CWC22: variants seen among roughly 807,000 people sequenced by gnomAD.
The protein encoded by CWC22 is pre-mRNA-splicing factor CWC22 homolog.
Under a neutral mutation model 117.2 loss-of-function variants are expected in CWC22, and 53 were observed. That is an observed-to-expected ratio of 0.45 (90% CI 0.36 to 0.57). The LOEUF is 0.57. Ranked by LOEUF, CWC22 falls within the 20% of genes least tolerant of loss-of-function variation. The pLI is 0.00. For synonymous variants in CWC22, 360 were observed against 355.6 expected (o/e 1.01, Z -0.14); for missense variants, 980 against 1,068.8 (o/e 0.92, Z 1.16).
chr2:179,950,523 C>A lies in CWC22; in HGVS notation c.2129G>T (p.Ser710Ile), dbSNP rs1438904915. Reference sequence around the variant, plus strand: ...ATAAGCTTCAATACCTGAGGCAGAGCTATGACTACTGATGGATGAAGAGTC... The same window carrying A: ...ATAAGCTTCAATACCTGAGGCAGAGATATGACTACTGATGGATGAAGAGTC... ...ESDSSSISSH[S>I]SASANDVRKK... The change falls in exon 19 of 20, where the codon AGC (serine) becomes ATC (isoleucine). Residue 710 changes from serine (S) to isoleucine (I), a missense_variant. By Grantham distance (142) the Ser-to-Ile change is moderately radical. Around this residue, in one of 3 missense-constraint regions of CWC22, gnomAD observed 306 missense variants for 296.8 expected, o/e 1.03. Transcript: ENST00000410053. The A allele has an allele frequency of 6.2e-7, 1 of 1,607,048 alleles. No individual in the cohort carries two copies.
At chr2:179,990,644 T>A (rs187975293) in intron 2 of CWC22, among the ~76,000 whole-genome samples, 3 of 152,212 alleles carry the variant, frequency 2.0e-5, no homozygotes, top group African/African-American at 7.2e-5. Flanking sequence ...CTGCATTATC[T>A]CCTTTTTCTT....
chr2:179,960,226 C>T (rs1686713569), intron 13 of CWC22, among the ~76,000 whole-genome samples: 1 of 151,902 alleles, frequency 6.6e-6, no homozygotes, highest in Admixed American at 6.6e-5. Flanking sequence ...ACTTGATAAT[C>T]CCATATTACA....
intron 1 of CWC22, among the ~76,000 whole-genome samples, chr2:180,004,372 G>A (rs1198158411): frequency 6.6e-6 from 1 of 152,114 alleles, no homozygotes; most frequent in Non-Finnish European, 1.5e-5. Context: ...GGGAAGGAGA[G>A]TTAACTTCTT....
intron 9 of CWC22, 28 bp downstream of exon 9, chr2:179,970,911 CTT>C (rs1470912084): frequency 6.2e-6 from 10 of 1,609,240 alleles, no homozygotes; most frequent in Middle Eastern, 1.7e-4. Flanking sequence ...ATAATAAAAA[CTT>C]AACATCAAAC....
chr2:179,959,532 C>G (rs1686693014), intron 13 of CWC22, among the ~76,000 whole-genome samples: 1 of 152,096 alleles, frequency 6.6e-6, no homozygotes, highest in African/African-American at 2.4e-5. Context: ...ACACGGTTAT[C>G]TAATGAGAAA....
intron 13 of CWC22, among the ~76,000 whole-genome samples, chr2:179,962,387 C>T (rs1319683594): frequency 6.6e-6 from 1 of 152,064 alleles, no homozygotes; most frequent in African/African-American, 2.4e-5. Flanking sequence ...TTTAGCCTGG[C>T]ATATAATAAA....
At chr2:179,949,794 G>A (rs978155932) in intron 19 of CWC22, among the ~76,000 whole-genome samples, 1 of 152,140 alleles carries the variant, frequency 6.6e-6, no homozygotes, top group Non-Finnish European at 1.5e-5. Context: ...ATATATTGTG[G>A]TATATTCATA....
intron 11 of CWC22, among the ~76,000 whole-genome samples, chr2:179,968,153 A>G (rs1686939854): frequency 1.3e-5 from 2 of 152,094 alleles, no homozygotes; most frequent in African/African-American, 4.8e-5. Flanking sequence ...TCAGCGAATT[A>G]GTATTTTCTA....
intron 2 of CWC22, among the ~76,000 whole-genome samples, chr2:179,990,964 C>G (rs1020028858): frequency 3.9e-5 from 6 of 152,208 alleles, no homozygotes; most frequent in Non-Finnish European, 7.3e-5. Flanking sequence ...TTAAGAATCA[C>G]TTTCAGGTAT....
At chr2:179,991,744 C>T (rs1282593845) in intron 2 of CWC22, among the ~76,000 whole-genome samples, 2 of 152,206 alleles carry the variant, frequency 1.3e-5, no homozygotes, top group Admixed American at 6.5e-5. Flanking sequence ...CAGCTCCTAA[C>T]CCAGAATCTG....
At chr2:179,960,956 C>T (rs879544091) in intron 13 of CWC22, among the ~76,000 whole-genome samples, 5 of 151,922 alleles carry the variant, frequency 3.3e-5, no homozygotes, top group Non-Finnish European at 5.9e-5. Context: ...CTAGACATTG[C>T]CGATTTCTTA....
chr2:179,993,202 G>A (rs1386320129), intron 2 of CWC22, 113 bp downstream of exon 2: 2 of 789,614 alleles, frequency 2.5e-6, no homozygotes, highest in Non-Finnish European at 2.1e-6. Flanking sequence ...ACCAACCTAA[G>A]TGCCATTCTA....
intron 2 of CWC22, among the ~76,000 whole-genome samples, chr2:179,992,507 A>G (rs1687592560): frequency 6.6e-6 from 1 of 152,100 alleles, no homozygotes; most frequent in African/African-American, 2.4e-5. Flanking sequence ...TCCCTCTATT[A>G]AAAACTGCAA....
intron 17 of CWC22, among the ~76,000 whole-genome samples, chr2:179,951,871 A>G (rs914563619): frequency 6.6e-6 from 1 of 152,100 alleles, no homozygotes. Flanking sequence ...TAGGTAGTCA[A>G]CTGCATAAGT....
At position 179,966,001 on chromosome 2, in the gene CWC22, G is replaced by C. The variant is rs747511144; in HGVS notation, c.1211-19C>G. 6.3e-7 allele frequency: 1 copy of C among 1,586,378 alleles called. No homozygotes were observed. The highest frequency in any genetic ancestry group is 8.6e-7 in the Non-Finnish European group (1 of 1,166,182). On this transcript the variant is annotated intron_variant, in intron 11 of 19. Transcript: ENST00000410053. ...AGAATTTCTGTAAAGTACAAAGTAAGTTTAGGAAAAAAATGTGCAAGTCAT... is the reference window on the plus strand; with the variant it reads ...AGAATTTCTGTAAAGTACAAAGTAACTTTAGGAAAAAAATGTGCAAGTCAT...
intron 14 of CWC22, among the ~76,000 whole-genome samples, chr2:179,955,416 C>T (rs944150404): frequency 4.6e-5 from 7 of 151,864 alleles, no homozygotes; most frequent in East Asian, 1.9e-4. Flanking sequence ...TCTAACAATT[C>T]AGTTACATAT....
At chr2:179,951,809 TGAG>T (rs371276612) in intron 17 of CWC22, among the ~76,000 whole-genome samples, 22 of 152,088 alleles carry the variant, frequency 1.4e-4, no homozygotes, top group Non-Finnish European at 2.4e-4. Context: ...AGAGGCAGGC[TGAG>T]GAGAAGACTG....
chr2:179,986,632 T>C, intron 4 of CWC22, 63 bp downstream of exon 4: 1 of 916,930 alleles, frequency 1.1e-6, no homozygotes, highest in Non-Finnish European at 1.7e-6. Flanking sequence ...TTATTACAAA[T>C]GTAGCATAAA....
Position 179,957,688 on chromosome 2 carries a change from C to A in CWC22, c.1458+1334G>T, listed in dbSNP as rs563441197. ...CCTAGAAGAACTAGAAACTGAACAG[C>A]CCATCAGAGCTGATACATTCACTCT... On this transcript the variant is annotated intron_variant, in intron 14 of 19. Coordinates refer to ENST00000410053, the MANE Select transcript of CWC22 (RefSeq NM_020943.3). 2.1e-4 allele frequency among the ~76,000 whole-genome samples: 32 copies of A among 151,958 alleles called. 1 individual carries two copies. In the South Asian group the frequency reaches 6.2e-3, roughly 30 times the overall value.
Sources: allele counts gnomAD v4.1 joint callset (sites outside exome capture counted in the v4.1 genomes callset), GRCh38; gene constraint gnomAD v4.1.1; regional missense constraint gnomAD v4.1.1; transcripts MANE v1.5; gene names NCBI Gene and HGNC (gene_info 2026-07-23, HGNC 2026-07-21).